PIP4K2A: variants seen among roughly 807,000 people sequenced by gnomAD.
PIP4K2A encodes the protein phosphatidylinositol-5-phosphate 4-kinase type 2 alpha, also known as phosphatidylinositol 5-phosphate 4-kinase type-2 alpha.
PIP4K2A carries 14 observed loss-of-function variants against 42.9 expected under a neutral mutation model. The ratio of observed to expected loss-of-function variants is 0.33; its 90% confidence interval spans 0.22 to 0.51. PIP4K2A has a LOEUF of 0.51. Among genes scored for constraint, PIP4K2A ranks in the 20% least tolerant of loss-of-function variants. The pLI is 0.97. For missense variants in PIP4K2A, 434 were observed against 519.8 expected (o/e 0.83, Z 1.61); for synonymous variants, 192 against 192.2 (o/e 1.00, Z 0.01).
chr10:22,656,539 G>C (rs192122376), intron 1 of PIP4K2A, among the ~76,000 whole-genome samples: 61 of 152,304 alleles, frequency 4.0e-4, no homozygotes, highest in Non-Finnish European at 7.6e-4. Flanking sequence ...AGGCACGGTG[G>C]TTCACACCTG....
At chr10:22,583,230 G>A (rs1191376938) in intron 4 of PIP4K2A, among the ~76,000 whole-genome samples, 1 of 152,210 alleles carries the variant, frequency 6.6e-6, no homozygotes, top group Non-Finnish European at 1.5e-5. Flanking sequence ...AGCACAGAAT[G>A]GCTGCTCCAC....
Position 22,705,591 on chromosome 10 carries a change from TG to T in PIP4K2A, c.144+8591del, listed in dbSNP as rs565218882. ...GGCACATCTAAGGAATCTCAGGGCT[TG>T]AAACCAAAGATTTACCCTGATGGGT... On this transcript the variant is annotated intron_variant, in intron 1 of 9. Coordinates refer to ENST00000376573, the MANE Select transcript of PIP4K2A (RefSeq NM_005028.5). 9.7e-4 allele frequency among the ~76,000 whole-genome samples: 148 copies of T among 151,968 alleles called. 1 individual carries two copies. The highest frequency in any genetic ancestry group is 3.4e-3 in the African/African-American group (139 of 41,442).
At chr10:22,673,943 G>T (rs45496900) in intron 1 of PIP4K2A, among the ~76,000 whole-genome samples, 12,523 of 152,228 alleles carry the variant, frequency 0.082, 681 homozygotes, top group Middle Eastern at 0.2. Flanking sequence ...AATTCACAGA[G>T]CCATCCCAGA....
chr10:22,642,008 A>C (rs1205425952), intron 1 of PIP4K2A: 1 of 152,230 alleles, frequency 6.6e-6, no homozygotes, highest in Non-Finnish European at 1.5e-5. Flanking sequence ...CTCTTCCCAT[A>C]ATTTAATGAT....
At chr10:22,603,678 C>T (rs1296998660) in intron 3 of PIP4K2A, among the ~76,000 whole-genome samples, 1 of 152,124 alleles carries the variant, frequency 6.6e-6, no homozygotes, top group Non-Finnish European at 1.5e-5. Context: ...GTGGTAGGTA[C>T]AAACAAATAC....
intron 1 of PIP4K2A, among the ~76,000 whole-genome samples, chr10:22,704,880 A>G (rs1454600236): frequency 6.6e-6 from 1 of 152,152 alleles, no homozygotes; most frequent in Non-Finnish European, 1.5e-5. Flanking sequence ...AGCACTTGAT[A>G]TGAGAAACTG....
At chr10:22,690,995 G>T (rs1839856015) in intron 1 of PIP4K2A, among the ~76,000 whole-genome samples, 1 of 152,154 alleles carries the variant, frequency 6.6e-6, no homozygotes, top group South Asian at 2.1e-4. Flanking sequence ...GTAGAAAAAA[G>T]GATTTGGTCC....
intron 6 of PIP4K2A, among the ~76,000 whole-genome samples, chr10:22,557,088 A>G (rs1836572817): frequency 6.6e-6 from 1 of 152,208 alleles, no homozygotes; most frequent in Non-Finnish European, 1.5e-5. Context: ...CTTACGCCCT[A>G]GGGTTCAATA....
At chr10:22,560,046 G>A (rs77068846) in intron 6 of PIP4K2A, among the ~76,000 whole-genome samples, 2,126 of 152,276 alleles carry the variant, frequency 0.014, 37 homozygotes, top group African/African-American at 0.048. Flanking sequence ...TGAGAAAGAA[G>A]CCCTGCTTCT....
At chr10:22,660,735 A>G (rs1839190571) in intron 1 of PIP4K2A, among the ~76,000 whole-genome samples, 1 of 152,158 alleles carries the variant, frequency 6.6e-6, no homozygotes, top group Non-Finnish European at 1.5e-5. Flanking sequence ...AATAATCTGT[A>G]CAGCCTCCTA....
At chr10:22,617,583 C>G (rs765343032) in intron 1 of PIP4K2A, among the ~76,000 whole-genome samples, 2 of 152,204 alleles carry the variant, frequency 1.3e-5, no homozygotes, top group Non-Finnish European at 1.5e-5. Flanking sequence ...AAGCCTCTCA[C>G]ATGTAGAGGA....
chr10:22,549,781 C>T (rs867336217), intron 7 of PIP4K2A, among the ~76,000 whole-genome samples: 23 of 124,710 alleles, frequency 1.8e-4, no homozygotes, highest in Middle Eastern at 0.014. Flanking sequence ...GCAGAGCTTG[C>T]AGTGAGCCGA....
At chr10:22,553,012 G>C (rs1349334007) in intron 6 of PIP4K2A, among the ~76,000 whole-genome samples, 1 of 152,088 alleles carries the variant, frequency 6.6e-6, no homozygotes, top group Non-Finnish European at 1.5e-5. Flanking sequence ...TGCCACTTCA[G>C]GTTCACCCCA....
intron 6 of PIP4K2A, among the ~76,000 whole-genome samples, 185 bp from the exon 7 acceptor site, chr10:22,550,957 G>A (rs1836397051): frequency 6.6e-6 from 1 of 152,140 alleles, no homozygotes; most frequent in South Asian, 2.1e-4. Context: ...GGGCGCCAGT[G>A]AGCCCCAATC....
At chr10:22,541,390 A>C (rs538998439) in intron 8 of PIP4K2A, among the ~76,000 whole-genome samples, 2 of 152,248 alleles carry the variant, frequency 1.3e-5, no homozygotes, top group Non-Finnish European at 2.9e-5. Flanking sequence ...CTTTTGACTT[A>C]GATAAAAAAG....
At position 22,569,907 on chromosome 10, in the gene PIP4K2A, G is replaced by A. The variant is rs182280278; in HGVS notation, c.640-2018C>T. Among the ~76,000 whole-genome samples the A allele has an allele frequency of 7.2e-5, 11 of 152,192 alleles. No homozygotes were observed. The East Asian group carries it at 1.9e-3, about 27-fold the overall frequency. On this transcript the variant is annotated intron_variant, in intron 5 of 9. Coordinates refer to ENST00000376573, the MANE Select transcript of PIP4K2A (RefSeq NM_005028.5). ...GATGTACAGGTTCCATCACAACTGA[G>A]AGCACTGGCAAGAACAGAGTTTATC...
chr10:22,668,844 T>C (rs1307270543), intron 1 of PIP4K2A, among the ~76,000 whole-genome samples: 2 of 152,180 alleles, frequency 1.3e-5, no homozygotes, highest in East Asian at 1.9e-4. Context: ...AAGCAAAACA[T>C]GGTTTGGGCT....
intron 1 of PIP4K2A, among the ~76,000 whole-genome samples, chr10:22,671,794 C>T (rs1839456165): frequency 6.9e-6 from 1 of 145,702 alleles, no homozygotes; most frequent in African/African-American, 2.7e-5. Context: ...GGACTCTCCT[C>T]CAAGAATATT....
chr10:22,588,653 G>A (rs1837449400), intron 4 of PIP4K2A, among the ~76,000 whole-genome samples: 1 of 152,184 alleles, frequency 6.6e-6, no homozygotes, highest in Non-Finnish European at 1.5e-5. Context: ...ATGAATGAAT[G>A]AAATGCAGGT....
Sources: allele counts gnomAD v4.1 joint callset (sites outside exome capture counted in the v4.1 genomes callset), GRCh38; gene constraint gnomAD v4.1.1; transcripts MANE v1.5; gene names NCBI Gene and HGNC (gene_info 2026-07-23, HGNC 2026-07-21).